Variants in GRSF1 observed in about 807,000 individuals in gnomAD.
GRSF1 encodes the protein G-rich sequence factor 1.
GRSF1 carries 50 observed loss-of-function variants against 51.1 expected under a neutral mutation model. The observed-to-expected ratio is 0.98, with a 90% CI of 0.78 to 1.24. The LOEUF (loss-of-function observed/expected upper bound fraction) is 1.24. Ranked by LOEUF, GRSF1 falls within the 50% of genes most tolerant of loss-of-function variation. The pLI, the probability that GRSF1 is intolerant of heterozygous loss-of-function variation, is 0.00. For synonymous variants in GRSF1, 293 were observed against 253.3 expected (o/e 1.16, Z -1.49); for missense variants, 700 against 639.7 (o/e 1.09, Z -1.02).
chr4:70,830,011 T>G (rs898162638), intron 5 of GRSF1, among the ~76,000 whole-genome samples: 1 of 152,208 alleles, frequency 6.6e-6, no homozygotes, highest in Non-Finnish European at 1.5e-5. Context: ...CCACTTATCA[T>G]CATGTGCATC....
chr4:70,825,191 T>C (rs572883490), intron 8 of GRSF1, 105 bp downstream of exon 8: 3 of 870,768 alleles, frequency 3.4e-6, no homozygotes, highest in Middle Eastern at 2.3e-4. Context: ...ACTAAAAGAA[T>C]ACAAATTTCT....
intron 9 of GRSF1, among the ~76,000 whole-genome samples, chr4:70,823,795 A>G (rs1233173406): frequency 6.6e-6 from 1 of 152,052 alleles, no homozygotes; most frequent in East Asian, 1.9e-4. Flanking sequence ...ACCTGAGCCC[A>G]GAAGGTTGAA....
intron 9 of GRSF1, among the ~76,000 whole-genome samples, chr4:70,822,154 G>A (rs1478007775): frequency 3.3e-5 from 5 of 151,864 alleles, no homozygotes; most frequent in East Asian, 1.9e-4. Context: ...CTCACGGGTA[G>A]GTTAACACTA....
chr4:70,830,664 C>A (rs1020713857), intron 5 of GRSF1, among the ~76,000 whole-genome samples: 5 of 151,712 alleles, frequency 3.3e-5, no homozygotes, highest in Non-Finnish European at 7.4e-5. Flanking sequence ...ACTAAAAATA[C>A]AAAACTTAGC....
rs11478421 is a variant in GRSF1 at position 70,816,346 on chromosome 4, C to CAAAAA, written c.*4536_*4540dup. On this transcript the variant is annotated 3_prime_UTR_variant, in exon 10 of 10. Transcript: ENST00000254799. ...GCCTGGGCGATACAAGACTCCATCTCAAAAAAAAAAAAAAAAAAAGAAAAA... is the reference window on the plus strand; with the variant it reads ...GCCTGGGCGATACAAGACTCCATCTCAAAAAAAAAAAAAAAAAAAAAAAAGAAAAA... 1.2e-5 allele frequency: 1 copy of CAAAAA among 85,436 alleles called. No homozygotes were observed. The highest frequency in any genetic ancestry group is 2.4e-5 in the Non-Finnish European group (1 of 41,108). 5.3% of individuals were successfully genotyped at this position (85,436 alleles called of 1,614,324 possible).
intron 3 of GRSF1, 97 bp downstream of exon 3, chr4:70,833,021 C>A: frequency 9.3e-7 from 1 of 1,073,860 alleles, no homozygotes; most frequent in South Asian, 1.5e-5. Flanking sequence ...TTCATACAAT[C>A]TAAATACTTC....
chr4:70,823,843 G>C (rs1011972632), intron 9 of GRSF1, among the ~76,000 whole-genome samples: 1 of 151,988 alleles, frequency 6.6e-6, no homozygotes, highest in South Asian at 2.1e-4. Context: ...GCTAGCCTGG[G>C]CAACAGAGCA....
intron 2 of GRSF1, among the ~76,000 whole-genome samples, chr4:70,834,834 A>G (rs1409949907): frequency 3.9e-5 from 6 of 152,102 alleles, no homozygotes; most frequent in Non-Finnish European, 7.3e-5. Flanking sequence ...CATGTTAGCC[A>G]GGATGGTCTC....
chr4:70,832,900 A>C (rs1734040881), intron 3 of GRSF1, among the ~76,000 whole-genome samples: 1 of 152,326 alleles, frequency 6.6e-6, no homozygotes, highest in South Asian at 2.1e-4. Context: ...GTGAGCTGAA[A>C]TCGCACCACT....
chr4:70,832,355 C>A lies in GRSF1; in HGVS notation c.766G>T (p.Gly256Ter). The part of the protein sequence containing the change: ...VVNDGVVRLR[G>*]LPYSCNEKDI... ...TTCTCATTGCAACTATAAGGAAGTC[C>A]TCTCAAACGAACCACACCATCATTT... Residue 256 changes from glycine (G) to a stop codon, truncating the protein, a stop_gained, in exon 4 of 10, where the codon GGA becomes TGA. Transcript: ENST00000254799. LOFTEE classifies it high-confidence loss of function. 6.2e-7 allele frequency: 1 copy of A among 1,613,154 alleles called. No homozygotes were observed. The highest frequency in any genetic ancestry group is 1.1e-5 in the South Asian group (1 of 91,060).
chr4:70,836,365 A>T, intron 1 of GRSF1, 51 bp from the exon 2 acceptor site: 1 of 1,289,020 alleles, frequency 7.8e-7, no homozygotes, highest in Non-Finnish European at 1.1e-6. Flanking sequence ...ACAGGTAAAA[A>T]ATGTAAAAAA....
At chr4:70,830,780 A>G (rs1020928) in intron 5 of GRSF1, among the ~76,000 whole-genome samples, 150,046 of 151,894 alleles carry the variant, frequency 0.99, 74,132 homozygotes, top group Middle Eastern at 1. Context: ...CCAAGATCAC[A>G]CCACCGCACT....
At chr4:70,825,249 A>G in intron 8 of GRSF1, 47 bp downstream of exon 8, 1 of 1,500,408 alleles carries the variant, frequency 6.7e-7, no homozygotes, top group Non-Finnish European at 9.1e-7. Flanking sequence ...ATTTGTAAGC[A>G]AAGACAAGCA....
chr4:70,822,948 T>A lies in GRSF1; in HGVS notation c.*25+1346A>T, dbSNP rs907038241. Among the ~76,000 whole-genome samples, 6 of 151,870 alleles carry A rather than the reference T, an allele frequency of 4.0e-5. No homozygotes were observed. In the South Asian group the frequency reaches 1.2e-3, roughly 31 times the overall value. On this transcript the variant is annotated intron_variant, in intron 9 of 9. Transcript: ENST00000254799. The stretch of plus-strand genomic sequence containing the variant: ...CATCTCTACTAAAAATACAAAAAAA[T>A]TAGCCAGGCATTGTGGCGGGCACCT...
chr4:70,823,204 A>C (rs191543958), intron 9 of GRSF1, among the ~76,000 whole-genome samples: 2 of 152,012 alleles, frequency 1.3e-5, no homozygotes, highest in Non-Finnish European at 2.9e-5. Flanking sequence ...AAGACCAGCC[A>C]TGACCAACAT....
upstream of GRSF1, chr4:70,839,907 T>G: frequency 3.9e-6 from 5 of 1,281,624 alleles, no homozygotes; most frequent in East Asian, 6.8e-5. Flanking sequence ...CAGGGCCGGT[T>G]GGGGGTGGGG....
intron 6 of GRSF1, among the ~76,000 whole-genome samples, chr4:70,827,419 A>T (rs990070096): frequency 6.6e-6 from 1 of 152,212 alleles, no homozygotes; most frequent in Non-Finnish European, 1.5e-5. Flanking sequence ...TATAGTTAAT[A>T]AAAATGATTA....
At chr4:70,825,167 T>C in intron 8 of GRSF1, 129 bp downstream of exon 8, 1 of 613,036 alleles carries the variant, frequency 1.6e-6, no homozygotes, top group Non-Finnish European at 2.8e-6. Context: ...ATCTGTTACG[T>C]TTAATTTACT....
chr4:70,824,439 C>T (rs1733652726), intron 8 of GRSF1, 71 bp from the exon 9 acceptor site: 9 of 788,092 alleles, frequency 1.1e-5, no homozygotes, highest in Non-Finnish European at 2.0e-5. Flanking sequence ...ATTTTTCTCA[C>T]AGTTCAGACA....
Sources: gnomAD v4.1 joint callset for allele counts (sites outside exome capture counted in the v4.1 genomes callset) on GRCh38, gnomAD v4.1.1 for gene constraint, MANE v1.5 for transcripts, NCBI Gene and HGNC (gene_info 2026-07-23, HGNC 2026-07-21) for gene names.